GOLPH3: variants seen among roughly 807,000 people sequenced by gnomAD.
GOLPH3 encodes the protein coat protein GPP34.
In GOLPH3, 14 loss-of-function variants were observed where a neutral mutation model predicts 28.5. The ratio of observed to expected loss-of-function variants is 0.49; its 90% CI spans 0.32 to 0.77. GOLPH3 has a LOEUF of 0.77. Among genes scored for constraint, GOLPH3 ranks in the 30% least tolerant of loss-of-function variants. The pLI, the probability that GOLPH3 is intolerant of heterozygous loss-of-function variation, is 0.03. For missense variants in GOLPH3, 350 were observed against 393.7 expected (o/e 0.89, Z 0.94); for synonymous variants, 158 against 159.2 (o/e 0.99, Z 0.06).
In GOLPH3 at chr5:32,126,592, C is replaced by T. The variant is rs879144248; in HGVS notation, c.517G>A (p.Val173Ile). ...AGGTTTTTAGCTAATCGTTCCCGTACATTTCTTAACTGATAATGCAATTTT... is the reference window on the plus strand; with the variant it reads ...AGGTTTTTAGCTAATCGTTCCCGTATATTTCTTAACTGATAATGCAATTTT... ...PLKLHYQLRN[V>I]RERLAKNLVE... The change falls in exon 4 of 4, where the codon GTA becomes ATA. Residue 173 changes from valine (V) to isoleucine (I), a missense_variant. Transcript: ENST00000265070. 6.2e-7 allele frequency: 1 copy of T among 1,613,716 alleles called. No homozygotes were observed. The highest frequency in any genetic ancestry group is 1.1e-5 in the South Asian group (1 of 91,008).
chr5:32,125,531 G>C lies in GOLPH3; in HGVS notation c.*681C>G, dbSNP rs1003261653. 4 of 152,562 alleles carry C rather than the reference G, an allele frequency of 2.6e-5. No homozygotes were observed. Among genetic ancestry groups the C allele is most frequent in the Admixed American group, 1.3e-4 (2 of 15,250 alleles). The allele number at this position is 152,562 out of a possible 1,614,324, so 9.5% of individuals were successfully genotyped here. On this transcript the variant is annotated 3_prime_UTR_variant, in exon 4 of 4. Transcript: ENST00000265070. Reference sequence around the variant, plus strand: ...TGGGAGCAGGGGTGGCCAGAAGAAGGGGTAATTTATATATAATTCAAACTA... The same window carrying C: ...TGGGAGCAGGGGTGGCCAGAAGAAGCGGTAATTTATATATAATTCAAACTA...
At chr5:32,147,688 T>G (rs1746208733) in intron 1 of GOLPH3, among the ~76,000 whole-genome samples, 1 of 152,136 alleles carries the variant, frequency 6.6e-6, no homozygotes, top group African/African-American at 2.4e-5. Flanking sequence ...TCAACTATAG[T>G]TATAGTTGTT....
chr5:32,153,947 G>A (rs549285808), intron 1 of GOLPH3, among the ~76,000 whole-genome samples: 351 of 152,296 alleles, frequency 2.3e-3, no homozygotes, highest in Non-Finnish European at 3.4e-3. Context: ...TCTGAAACAG[G>A]AAATGTACGA....
intron 1 of GOLPH3, among the ~76,000 whole-genome samples, chr5:32,168,057 A>G (rs894193806): frequency 1.3e-5 from 2 of 152,238 alleles, no homozygotes; most frequent in Non-Finnish European, 2.9e-5. Context: ...AAAATAGATA[A>G]AAATTCAAAA....
rs147919245 is a variant in GOLPH3, at chr5:32,130,802, G to C, written c.473-4166C>G. On this transcript the variant is annotated intron_variant, in intron 3 of 3. Coordinates refer to ENST00000265070, the MANE Select transcript of GOLPH3 (RefSeq NM_022130.4). The stretch of plus-strand genomic sequence containing the variant: ...GTGGGATTAATAGTTTATGACTACT[G>C]TCTCTTATACTGAACTTATGCTAAG... Among the ~76,000 whole-genome samples, 35 of 151,968 alleles carry C rather than the reference G, an allele frequency of 2.3e-4. No homozygotes were observed. In the East Asian group the frequency reaches 6.2e-3, roughly 27 times the overall value.
At chr5:32,127,284 T>G (rs1261959429) in intron 3 of GOLPH3, among the ~76,000 whole-genome samples, 2 of 152,234 alleles carry the variant, frequency 1.3e-5, no homozygotes, top group Admixed American at 1.3e-4. Flanking sequence ...AAAATATTAA[T>G]CTTACTTATC....
chr5:32,136,561 G>A (rs78604338), intron 2 of GOLPH3, among the ~76,000 whole-genome samples: 7 of 151,048 alleles, frequency 4.6e-5, no homozygotes, highest in Admixed American at 2.0e-4. Flanking sequence ...ACTCATCACC[G>A]AACCTTGGAC....
chr5:32,127,461 G>C (rs1317179771), intron 3 of GOLPH3, among the ~76,000 whole-genome samples: 1 of 152,154 alleles, frequency 6.6e-6, no homozygotes, highest in Non-Finnish European at 1.5e-5. Context: ...TTGTAAGGTC[G>C]AGATTTTCTA....
chr5:32,138,348 C>T (rs1745982476), intron 2 of GOLPH3, among the ~76,000 whole-genome samples: 1 of 152,022 alleles, frequency 6.6e-6, no homozygotes, highest in Admixed American at 6.6e-5. Context: ...AATATAAAAA[C>T]CACAGTACAA....
At chr5:32,168,569 C>T (rs1314743186) in intron 1 of GOLPH3, among the ~76,000 whole-genome samples, 1 of 152,150 alleles carries the variant, frequency 6.6e-6, no homozygotes, top group Non-Finnish European at 1.5e-5. Flanking sequence ...GCTGTTGAAA[C>T]TCACAACACT....
chr5:32,173,752 C>T lies in GOLPH3; in HGVS notation c.225+58G>A. 6 of 1,232,950 alleles carry T rather than the reference C, an allele frequency of 4.9e-6. No homozygotes were observed. The South Asian group carries it at 1.0e-4, about 21-fold the overall frequency. 76.4% of individuals were successfully genotyped at this position (1,232,950 alleles called of 1,614,324 possible). Reference sequence around the variant, plus strand: ...GCGCTCACCTGGCACCTACCTGGAGCTCACCTGGCGCCCGGGCCCCGCGCC... The same window carrying T: ...GCGCTCACCTGGCACCTACCTGGAGTTCACCTGGCGCCCGGGCCCCGCGCC... On this transcript the variant is annotated intron_variant, in intron 1 of 3. Coordinates refer to ENST00000265070, the MANE Select transcript of GOLPH3 (RefSeq NM_022130.4).
chr5:32,168,894 G>A (rs1174306512), intron 1 of GOLPH3, among the ~76,000 whole-genome samples: 2 of 152,120 alleles, frequency 1.3e-5, no homozygotes, highest in Non-Finnish European at 2.9e-5. Flanking sequence ...AGGAGTTCGA[G>A]GCTGCAGTGA....
intron 1 of GOLPH3, among the ~76,000 whole-genome samples, chr5:32,147,865 G>A (rs554809471): frequency 5.9e-5 from 9 of 152,264 alleles, no homozygotes; most frequent in African/African-American, 2.2e-4. Flanking sequence ...AACACCTGGC[G>A]ATTCAAATCA....
chr5:32,148,031 G>A (rs975667192), intron 1 of GOLPH3, among the ~76,000 whole-genome samples: 29 of 152,158 alleles, frequency 1.9e-4, no homozygotes, highest in African/African-American at 7.0e-4. Flanking sequence ...GGGGATGGAG[G>A]ACTGCAAACT....
intron 1 of GOLPH3, among the ~76,000 whole-genome samples, chr5:32,158,010 TAAATAAATAAAATACACAC>T (rs1746471199): frequency 1.3e-5 from 1 of 75,616 alleles, no homozygotes; most frequent in African/African-American, 6.3e-5. Context: ...AATAAATAAA[TAAATAAATAAAATACACAC>T]ACACACACAC....
chr5:32,143,627 C>T, intron 2 of GOLPH3, 122 bp downstream of exon 2: 1 of 846,000 alleles, frequency 1.2e-6, no homozygotes, highest in East Asian at 2.9e-5. Context: ...TATGGAAATA[C>T]AATTGAAGAA....
At chr5:32,142,894 C>T (rs1746109770) in intron 2 of GOLPH3, among the ~76,000 whole-genome samples, 2 of 151,262 alleles carry the variant, frequency 1.3e-5, no homozygotes, top group South Asian at 2.1e-4. Flanking sequence ...TGCCCGGCCG[C>T]GCCTACTGGG....
intron 1 of GOLPH3, among the ~76,000 whole-genome samples, chr5:32,146,797 AT>A (rs756671144): frequency 6.6e-6 from 1 of 152,316 alleles, no homozygotes. Flanking sequence ...AAAAAATTAT[AT>A]TATCTAAAGC....
chr5:32,130,430 G>T (rs1442637391), intron 3 of GOLPH3, among the ~76,000 whole-genome samples: 1 of 152,150 alleles, frequency 6.6e-6, no homozygotes, highest in Non-Finnish European at 1.5e-5. Context: ...TATCAAAGAA[G>T]TATTATCCCC....
Sources: allele counts gnomAD v4.1 joint callset (sites outside exome capture counted in the v4.1 genomes callset), GRCh38; gene constraint gnomAD v4.1.1; transcripts MANE v1.5; gene names NCBI Gene and HGNC (gene_info 2026-07-23, HGNC 2026-07-21).